Variants in CYP2C19 observed in about 807,000 individuals in gnomAD.
CYP2C19 encodes cytochrome P450 2C19.
In CYP2C19, 59 loss-of-function variants were observed where a neutral mutation model predicts 40.9. That is an observed-to-expected ratio of 1.44 (90% CI 1.17 to 1.79). The LOEUF (loss-of-function observed/expected upper bound fraction) is 1.79, where lower values mean the gene tolerates loss of function less well. CYP2C19 is among the 40% of genes most tolerant of loss of function. CYP2C19 has a pLI of 0.00. For missense variants in CYP2C19, 754 were observed against 596.9 expected (o/e 1.26, Z -2.74); for synonymous variants, 253 against 208.7 (o/e 1.21, Z -1.83).
intron 6 of CYP2C19, among the ~76,000 whole-genome samples, chr10:94,833,458 T>G (rs1312279863): frequency 6.6e-6 from 1 of 152,196 alleles, no homozygotes; most frequent in Admixed American, 6.5e-5. Flanking sequence ...TTTTTCTTTT[T>G]TTTTATTATA....
intron 7 of CYP2C19, among the ~76,000 whole-genome samples, chr10:94,847,829 T>G (rs1331965119): frequency 6.6e-6 from 1 of 152,242 alleles, no homozygotes; most frequent in Non-Finnish European, 1.5e-5. Context: ...TGATGGCCAG[T>G]GATGATGAGC....
chr10:94,840,492 A>G (rs886516454), intron 6 of CYP2C19, among the ~76,000 whole-genome samples: 1 of 152,148 alleles, frequency 6.6e-6, no homozygotes, highest in African/African-American at 2.4e-5. Context: ...TAGAGATACA[A>G]CTTGCTAGAG....
intron 7 of CYP2C19, among the ~76,000 whole-genome samples, chr10:94,848,121 C>T (rs1039627474): frequency 6.6e-6 from 1 of 152,098 alleles, no homozygotes; most frequent in Non-Finnish European, 1.5e-5. Flanking sequence ...GTTGCCATTG[C>T]TTTTGGTGTT....
chr10:94,809,675 C>A (rs1380189887), intron 5 of CYP2C19, among the ~76,000 whole-genome samples: 5 of 151,868 alleles, frequency 3.3e-5, no homozygotes, highest in Non-Finnish European at 7.4e-5. Context: ...CCATTTTTGC[C>A]CATTCAGTAT....
Position 94,817,739 on chromosome 10 carries a change from T to C in CYP2C19, c.820-2757T>C, listed in dbSNP as rs113143528. Among the ~76,000 whole-genome samples the C allele has an allele frequency of 3.0e-3, 460 of 152,052 alleles. 3 individuals carry two copies. The highest frequency in any genetic ancestry group is 0.011 in the African/African-American group (437 of 41,406). ...TCTAACGTTTAAATCTTTGGCCGGG[T>C]GCGGTGGCTCACACCTGTAATCCCG... On this transcript the variant is annotated intron_variant, in intron 5 of 8. Coordinates refer to ENST00000371321, the MANE Select transcript of CYP2C19 (RefSeq NM_000769.4).
intron 5 of CYP2C19, among the ~76,000 whole-genome samples, chr10:94,817,407 C>A (rs1465659544): frequency 6.9e-6 from 1 of 144,960 alleles, no homozygotes; most frequent in Non-Finnish European, 1.5e-5. Context: ...ATGTCCTTTG[C>A]CCACTTTTTG....
intron 6 of CYP2C19, among the ~76,000 whole-genome samples, chr10:94,839,645 A>G (rs146454134): frequency 8.5e-4 from 130 of 152,342 alleles, no homozygotes; most frequent in Admixed American, 1.3e-3. Context: ...TTCTGTAAGT[A>G]CTTTAAGTCT....
At chr10:94,764,242 C>T (rs549279004) in intron 1 of CYP2C19, among the ~76,000 whole-genome samples, 1 of 152,196 alleles carries the variant, frequency 6.6e-6, no homozygotes, top group South Asian at 2.1e-4. Context: ...CCTTATTTGG[C>T]CCCACCCATG....
chr10:94,773,916 T>C (rs1013538300), intron 1 of CYP2C19: 3 of 152,216 alleles, frequency 2.0e-5, no homozygotes, highest in Admixed American at 6.5e-5. Context: ...GTCCTGCTGA[T>C]TGGTCCATTT....
intron 5 of CYP2C19, among the ~76,000 whole-genome samples, chr10:94,790,479 G>T (rs1484342321): frequency 1.3e-5 from 2 of 151,992 alleles, no homozygotes; most frequent in Non-Finnish European, 2.9e-5. Context: ...ATTGGCTGTG[G>T]GTTTGTCATA....
chr10:94,797,708 T>C (rs533919433), intron 5 of CYP2C19, among the ~76,000 whole-genome samples: 2 of 152,206 alleles, frequency 1.3e-5, no homozygotes, highest in Admixed American at 1.3e-4. Context: ...TTCTTCCTGG[T>C]TTAGTCTTGG....
At chr10:94,804,307 C>A (rs1323696051) in intron 5 of CYP2C19, among the ~76,000 whole-genome samples, 1 of 152,136 alleles carries the variant, frequency 6.6e-6, no homozygotes, top group Non-Finnish European at 1.5e-5. Context: ...GTGGGAGGGC[C>A]CAATTCCAGT....
chr10:94,805,453 A>G (rs986883298), intron 5 of CYP2C19, among the ~76,000 whole-genome samples: 1 of 152,198 alleles, frequency 6.6e-6, no homozygotes, highest in African/African-American at 2.4e-5. Flanking sequence ...CAAAATACAC[A>G]AAAAAGTTTC....
chr10:94,816,748 TC>T (rs997480117), intron 5 of CYP2C19, among the ~76,000 whole-genome samples: 1 of 129,746 alleles, frequency 7.7e-6, no homozygotes, highest in Non-Finnish European at 1.6e-5. Context: ...CCCACATCAG[TC>T]CCCAGAGTGT....
chr10:94,818,297 G>C (rs1177340429), intron 5 of CYP2C19, among the ~76,000 whole-genome samples: 1 of 149,500 alleles, frequency 6.7e-6, no homozygotes, highest in East Asian at 2.0e-4. Context: ...CTGTAGCCTT[G>C]TAGTATAGTT....
chr10:94,783,527 A>AT (rs1471083328), intron 5 of CYP2C19, among the ~76,000 whole-genome samples: 1 of 152,122 alleles, frequency 6.6e-6, no homozygotes, highest in Non-Finnish European at 1.5e-5. Context: ...TCATTGCACC[A>AT]TTTTTGAAGA....
chr10:94,803,711 G>A (rs1166155730), intron 5 of CYP2C19, among the ~76,000 whole-genome samples: 1 of 152,210 alleles, frequency 6.6e-6, no homozygotes, highest in East Asian at 1.9e-4. Context: ...CAGGGGTAAG[G>A]GAGGGGAGAG....
intron 5 of CYP2C19, among the ~76,000 whole-genome samples, chr10:94,817,277 G>A (rs1849021163): frequency 6.6e-6 from 1 of 150,752 alleles, no homozygotes; most frequent in Non-Finnish European, 1.5e-5. Flanking sequence ...CATTCTAACT[G>A]GTGTGAGATG....
At chr10:94,777,986 G>T (rs947715062) in intron 3 of CYP2C19, among the ~76,000 whole-genome samples, 13 of 151,952 alleles carry the variant, frequency 8.6e-5, no homozygotes, top group African/African-American at 2.4e-5. Context: ...AAAACTGCTG[G>T]GTCTGTCCTG....
Sources: gnomAD v4.1 joint callset for allele counts (sites outside exome capture counted in the v4.1 genomes callset) on GRCh38, gnomAD v4.1.1 for gene constraint, MANE v1.5 for transcripts, NCBI Gene and HGNC (gene_info 2026-07-23, HGNC 2026-07-21) for gene names.